The following PSMA1 variants were observed in gnomAD, a reference collection of about 807,000 sequenced individuals.
The protein encoded by PSMA1 is proteasome 20S subunit alpha 1, also known as proteasome subunit alpha type-1.
A neutral mutation model predicts 38.4 loss-of-function variants in PSMA1; 3 were observed. That is an observed-to-expected ratio of 0.08 (90% CI 0.04 to 0.20). PSMA1 has a LOEUF of 0.20. Among genes scored for constraint, PSMA1 ranks in the 10% least tolerant of loss-of-function variants. The pLI is 1.00. For missense variants in PSMA1, 227 were observed against 325.3 expected (o/e 0.70, Z 2.32); for synonymous variants, 101 against 107.1 (o/e 0.94, Z 0.35).
chr11:14,527,255 A>G (rs945320467), intron 2 of PSMA1, among the ~76,000 whole-genome samples: 1 of 152,102 alleles, frequency 6.6e-6, no homozygotes, highest in Admixed American at 6.5e-5. Context: ...TCTGTCCCTC[A>G]TGGCCAGTTT....
chr11:14,639,957 G>A (rs1015144743), intron 1 of PSMA1, among the ~76,000 whole-genome samples: 1 of 152,016 alleles, frequency 6.6e-6, no homozygotes, highest in Non-Finnish European at 1.5e-5. Flanking sequence ...CTGTTACAAC[G>A]GGCTGTAATA....
At chr11:14,591,849 A>G (rs1441723810) in intron 2 of PSMA1, among the ~76,000 whole-genome samples, 1 of 152,160 alleles carries the variant, frequency 6.6e-6, no homozygotes, top group Non-Finnish European at 1.5e-5. Flanking sequence ...CCCAGCCAGC[A>G]GTGGCAACCC....
chr11:14,589,526 G>A lies in PSMA1; in HGVS notation c.21+21440C>T, dbSNP rs61883617. On this transcript the variant is annotated intron_variant, in intron 2 of 10. Coordinates refer to the PSMA1 transcript ENST00000418988. ...TTTAGAAACATGTGGCAACAAGACA[G>A]GTAGATCTCTGTACTGTTACTCCCC... Among the ~76,000 whole-genome samples, 201 of 151,802 alleles carry A rather than the reference G, an allele frequency of 1.3e-3. 2 individuals carry two copies. Among genetic ancestry groups the A allele is most frequent in the Admixed American group, 2.4e-3 (37 of 15,200 alleles).
chr11:14,558,967 G>A lies in PSMA1; in HGVS notation c.22-39926C>T, dbSNP rs567848311. Among the ~76,000 whole-genome samples the A allele has an allele frequency of 2.0e-5, 3 of 152,330 alleles. No individual in the cohort carries two copies. The South Asian group carries it at 6.2e-4, about 32-fold the overall frequency. ...CTCTGGGTTGTTGGTCAAGTGGGATGTGCTGCAAGACTCAGCCAGACCACC... is the reference window on the plus strand; with the variant it reads ...CTCTGGGTTGTTGGTCAAGTGGGATATGCTGCAAGACTCAGCCAGACCACC... On this transcript the variant is annotated intron_variant, in intron 2 of 10. Transcript: ENST00000418988.
intron 2 of PSMA1, among the ~76,000 whole-genome samples, chr11:14,596,685 T>C (rs1852499152): frequency 2.0e-5 from 3 of 152,248 alleles, no homozygotes. Context: ...TCATGTCATC[T>C]GCAAACAGGT....
At chr11:14,561,824 C>T (rs971397533) in intron 2 of PSMA1, among the ~76,000 whole-genome samples, 3 of 144,846 alleles carry the variant, frequency 2.1e-5, no homozygotes, top group African/African-American at 7.9e-5. Context: ...CTAAACTAAA[C>T]TAAACTAAAC....
intron 2 of PSMA1, among the ~76,000 whole-genome samples, chr11:14,543,609 C>T (rs1212410992): frequency 6.6e-6 from 1 of 151,762 alleles, no homozygotes; most frequent in Non-Finnish European, 1.5e-5. Context: ...ACACCAAGGT[C>T]TGCATTTTTC....
At chr11:14,562,339 G>C (rs1456129398) in intron 2 of PSMA1, among the ~76,000 whole-genome samples, 1 of 152,202 alleles carries the variant, frequency 6.6e-6, no homozygotes. Flanking sequence ...TTGTACATGA[G>C]CTACTTTGAA....
chr11:14,568,572 C>T (rs1293853607), intron 2 of PSMA1, among the ~76,000 whole-genome samples: 1 of 152,246 alleles, frequency 6.6e-6, no homozygotes, highest in East Asian at 1.9e-4. Flanking sequence ...AACTACCAGT[C>T]ACTCAGAGTT....
chr11:14,627,280 C>T (rs10500803), intron 1 of PSMA1, among the ~76,000 whole-genome samples: 10,054 of 152,148 alleles, frequency 0.066, 553 homozygotes, highest in East Asian at 0.26. Context: ...AGGGTCTATT[C>T]GAAACTATGC....
intron 8 of PSMA1, among the ~76,000 whole-genome samples, chr11:14,510,633 A>G (rs1031741434): frequency 6.6e-6 from 1 of 152,216 alleles, no homozygotes; most frequent in African/African-American, 2.4e-5. Flanking sequence ...AGATATGCCA[A>G]TCTGCTGAAA....
At chr11:14,632,906 C>T (rs1853046375) in intron 1 of PSMA1, among the ~76,000 whole-genome samples, 1 of 151,766 alleles carries the variant, frequency 6.6e-6, no homozygotes, top group Non-Finnish European at 1.5e-5. Context: ...ATCGCTGATA[C>T]CCTTTCTTCC....
intron 1 of PSMA1, among the ~76,000 whole-genome samples, chr11:14,612,025 A>C (rs577625946): frequency 2.7e-4 from 41 of 152,306 alleles, no homozygotes; most frequent in South Asian, 1.0e-3. Flanking sequence ...GGTTTCCCCC[A>C]AAATTGTAAG....
intron 7 of PSMA1, among the ~76,000 whole-genome samples, chr11:14,511,311 A>C (rs1320315510): frequency 6.6e-6 from 1 of 152,182 alleles, no homozygotes; most frequent in Non-Finnish European, 1.5e-5. Context: ...AACTTATTCT[A>C]TGTGGCCAGT....
chr11:14,617,368 C>G (rs1852787199), intron 1 of PSMA1, among the ~76,000 whole-genome samples: 1 of 152,154 alleles, frequency 6.6e-6, no homozygotes, highest in Non-Finnish European at 1.5e-5. Flanking sequence ...GTACTATAAT[C>G]ATTTGCTTGT....
At chr11:14,619,226 A>G (rs1385341919) in intron 1 of PSMA1, among the ~76,000 whole-genome samples, 1 of 152,154 alleles carries the variant, frequency 6.6e-6, no homozygotes, top group Non-Finnish European at 1.5e-5. Context: ...AGGCAAGCAG[A>G]TTGCTTGAGC....
At chr11:14,530,043 AAT>A (rs1467123639) in intron 2 of PSMA1, among the ~76,000 whole-genome samples, 1 of 152,246 alleles carries the variant, frequency 6.6e-6, no homozygotes, top group Non-Finnish European at 1.5e-5. Context: ...AGAATAGGCG[AAT>A]ACAGTGCCTG....
At chr11:14,626,651 T>G (rs537159406) in intron 1 of PSMA1, among the ~76,000 whole-genome samples, 24 of 152,314 alleles carry the variant, frequency 1.6e-4, no homozygotes, top group African/African-American at 5.5e-4. Flanking sequence ...CAAGTCCTAT[T>G]GCCTTATTGA....
chr11:14,548,024 A>G (rs1851845671), intron 2 of PSMA1, among the ~76,000 whole-genome samples: 2 of 152,000 alleles, frequency 1.3e-5, no homozygotes, highest in South Asian at 2.1e-4. Flanking sequence ...TACAACACAC[A>G]CACACACACA....
Sources: allele counts gnomAD v4.1 joint callset (sites outside exome capture counted in the v4.1 genomes callset), GRCh38; gene constraint gnomAD v4.1.1; transcripts MANE v1.5; gene names NCBI Gene and HGNC (gene_info 2026-07-23, HGNC 2026-07-21).